The following VCL variants were observed in gnomAD, a reference collection of about 807,000 sequenced individuals.
The protein encoded by VCL is epididymis luminal protein 114.
In VCL, 47 loss-of-function variants were observed where a neutral mutation model predicts 125.7. The ratio of observed to expected loss-of-function variants is 0.37; its 90% CI spans 0.30 to 0.48. VCL has a LOEUF of 0.48. VCL is among the 20% of genes least tolerant of loss of function. The probability of loss-of-function intolerance (pLI) is 0.99; values close to 1 mark genes in which losing one functional copy is unlikely to be tolerated. For synonymous variants in VCL, 458 were observed against 514.6 expected, an observed-to-expected ratio of 0.89 and a Z score of 1.49; for missense variants, 1,069 against 1,455.5, an observed-to-expected ratio of 0.73 and a Z score of 4.32.
Position 74,095,820 on chromosome 10 carries a change from C to G in VCL, c.1708C>G (p.Arg570Gly), listed in dbSNP as rs794729191. 3 of 1,614,012 alleles carry G rather than the reference C, an allele frequency of 1.9e-6. No individual in the cohort carries two copies. In the Admixed American group the frequency reaches 5.0e-5, roughly 27 times the overall value. Residue 570 changes from arginine to glycine, a missense_variant, in exon 12 of 22, where the codon CGA (arginine) becomes GGA (glycine). By Grantham distance (125) the Arg-to-Gly change is moderately radical. Transcript: ENST00000211998. Reference sequence around the variant, plus strand: ...AGGGGAAGGGGAGAGTCCTCAGGCACGAGCACTTGCATCTCAGCTCCAAGA... The same window carrying G: ...AGGGGAAGGGGAGAGTCCTCAGGCAGGAGCACTTGCATCTCAGCTCCAAGA... ...ARGEGESPQARALASQLQDSL... is the reference protein window; with the variant it reads ...ARGEGESPQAGALASQLQDSL...
chr10:74,112,240 T>C, intron 19 of VCL, 128 bp downstream of exon 19: 1 of 1,189,694 alleles, frequency 8.4e-7, no homozygotes, highest in Non-Finnish European at 1.2e-6. Context: ...TCTGTCTGTC[T>C]GCACCATGTT....
chr10:74,000,851 A>G (rs1840213076), intron 1 of VCL, among the ~76,000 whole-genome samples: 1 of 152,356 alleles, frequency 6.6e-6, no homozygotes, highest in Non-Finnish European at 1.5e-5. Context: ...TAGTTAAGTT[A>G]TATACTTTCC....
downstream of VCL, chr10:74,120,263 C>G (rs922611475): frequency 2.6e-5 from 4 of 152,048 alleles, no homozygotes; most frequent in African/African-American, 7.2e-5. Flanking sequence ...GATCTGGAAA[C>G]TAAAGATTTT....
intron 1 of VCL, among the ~76,000 whole-genome samples, chr10:74,013,604 C>T (rs1403629): frequency 1.3e-5 from 2 of 151,656 alleles, no homozygotes; most frequent in South Asian, 2.1e-4. Flanking sequence ...GTAGTATAAT[C>T]GTTAAGCATT....
intron 12 of VCL, 72 bp downstream of exon 12, chr10:74,095,927 G>C (rs1164261430): frequency 6.4e-7 from 1 of 1,556,578 alleles, no homozygotes; most frequent in Non-Finnish European, 8.7e-7. Context: ...AAGGAAGAGA[G>C]AGTTTTGAAA....
At chr10:74,029,717 T>C (rs1185700650) in intron 1 of VCL, among the ~76,000 whole-genome samples, 1 of 152,226 alleles carries the variant, frequency 6.6e-6, no homozygotes, top group Non-Finnish European at 1.5e-5. Flanking sequence ...TTTAAATTAA[T>C]ATTTTGGGCA....
chr10:74,097,863 T>C lies in VCL; in HGVS notation c.1872+531T>C, dbSNP rs1839996364. 6.6e-6 allele frequency among the ~76,000 whole-genome samples: 1 copy of C among 152,046 alleles called. No homozygotes were observed. The highest frequency in any genetic ancestry group is 2.4e-5 in the African/African-American group (1 of 41,378). On this transcript the variant is annotated intron_variant, in intron 13 of 21. Transcript: ENST00000211998. The surrounding 1 kb of genome is among the most constrained non-coding windows in gnomAD (Gnocchi z 4.1). Reference sequence around the variant, plus strand: ...ACCAGAGTGCTAACAATGAAGAAAATTGCCAGCGATGTGCTGGTAAGCCAA... The same window carrying C: ...ACCAGAGTGCTAACAATGAAGAAAACTGCCAGCGATGTGCTGGTAAGCCAA...
Position 74,118,367 on chromosome 10 carries a change from A to G in VCL, c.*198A>G. Reference sequence around the variant, plus strand: ...TGGACACTTTGAAATGTGTTTCTGTATAAAGCCTGTATTCTCAAACACAGT... The same window carrying G: ...TGGACACTTTGAAATGTGTTTCTGTGTAAAGCCTGTATTCTCAAACACAGT... On this transcript the variant is annotated 3_prime_UTR_variant, in exon 22 of 22. Transcript: ENST00000211998. 1 of 690,740 alleles carries G rather than the reference A, an allele frequency of 1.4e-6. No homozygotes were observed. The highest frequency in any genetic ancestry group is 2.5e-6 in the Non-Finnish European group (1 of 403,380). The allele number at this position is 690,740 out of a possible 1,614,324, so 42.8% of individuals were successfully genotyped here.
At chr10:74,013,414 AT>A (rs551053482) in intron 1 of VCL, among the ~76,000 whole-genome samples, 21 of 152,296 alleles carry the variant, frequency 1.4e-4, no homozygotes, top group African/African-American at 2.9e-4. Flanking sequence ...GAATAAAAAA[AT>A]AAACATGGAT....
chr10:74,104,582 G>A (rs753052323), intron 15 of VCL, among the ~76,000 whole-genome samples: 1 of 152,082 alleles, frequency 6.6e-6, no homozygotes, highest in Non-Finnish European at 1.5e-5. Flanking sequence ...GGTGTCTGAA[G>A]AGAGGTAACA....
chr10:74,066,828 T>C (rs903158637), intron 2 of VCL, among the ~76,000 whole-genome samples: 2 of 152,006 alleles, frequency 1.3e-5, no homozygotes, highest in Non-Finnish European at 2.9e-5. Flanking sequence ...CCCGCCACCA[T>C]GCCCAGCTAA....
In VCL at chr10:74,071,137, C is replaced by T; in HGVS notation, c.499+54C>T. ...TTTTAAGGATTGTCCATGTTGGAGC[C>T]AAAGGAAAGGGTACCCTCTTCCTAC... is the stretch of plus-strand genomic sequence containing the variant. On this transcript the variant is annotated intron_variant, in intron 4 of 21. Transcript: ENST00000211998. This position sits in a 1 kb window ranked among gnomAD's most constrained non-coding sequence, Gnocchi z 4.1. The T allele has an allele frequency of 1.3e-6, 2 of 1,555,988 alleles. No individual in the cohort carries two copies. The highest frequency in any genetic ancestry group is 1.7e-5 in the Admixed American group (1 of 59,822).
chr10:74,043,477 G>C (rs1260415432), intron 2 of VCL, among the ~76,000 whole-genome samples: 1 of 152,000 alleles, frequency 6.6e-6, no homozygotes, highest in East Asian at 1.9e-4. Context: ...CTCTGGAATA[G>C]CTTGGATTAT....
rs1329734175 is a variant in VCL at position 74,070,700 on chromosome 10, G to A, written c.270G>A (p.Gln90=). Residue 90 remains glutamine (Q), a synonymous_variant, in exon 3 of 22, where the codon CAG becomes CAA. Transcript: ENST00000211998. ...AGAATGCTTGCACCAAGCTTGTCCA[G>A]GCAGCTCAGATGCTTCAGTCAGACC... is the stretch of plus-strand genomic sequence containing the variant. ...KVENACTKLV[Q]AAQMLQSDPY... 6.2e-7 allele frequency: 1 copy of A among 1,614,090 alleles called. No individual in the cohort carries two copies. Among genetic ancestry groups the A allele is most frequent in the African/African-American group, 1.3e-5 (1 of 75,014 alleles).
chr10:74,021,833 TC>T, intron 1 of VCL, among the ~76,000 whole-genome samples: 1 of 152,204 alleles, frequency 6.6e-6, no homozygotes. Flanking sequence ...CCATTCCTCT[TC>T]TTTTTTTTTC....
intron 6 of VCL, among the ~76,000 whole-genome samples, chr10:74,079,696 A>G (rs1908338): frequency 0.16 from 24,660 of 152,174 alleles, 2,103 homozygotes; most frequent in East Asian, 0.22. Context: ...TTCAAAAGAA[A>G]TATATATGAA....
intron 1 of VCL, among the ~76,000 whole-genome samples, chr10:74,002,806 C>G (rs1487679198): frequency 6.7e-6 from 1 of 148,508 alleles, no homozygotes; most frequent in Non-Finnish European, 1.5e-5. Context: ...CGCTTGAATC[C>G]GGGAGGTGGA....
intron 1 of VCL, among the ~76,000 whole-genome samples, chr10:74,029,449 T>C (rs1320876443): frequency 6.6e-6 from 1 of 152,166 alleles, no homozygotes; most frequent in East Asian, 1.9e-4. Context: ...ATGAAGTGTT[T>C]GCACATTAGA....
At chr10:74,043,233 A>C in intron 2 of VCL, 80 bp downstream of exon 2, 2 of 1,324,238 alleles carry the variant, frequency 1.5e-6, no homozygotes. Context: ...TTTCAGTAAC[A>C]ACTTTTTTTT....
Sources: allele counts gnomAD v4.1 joint callset (sites outside exome capture counted in the v4.1 genomes callset), GRCh38; gene constraint gnomAD v4.1.1; non-coding constraint Gnocchi (gnomAD v3.1); transcripts MANE v1.5; gene names NCBI Gene and HGNC (gene_info 2026-07-23, HGNC 2026-07-21).